The following NREP variants were observed in gnomAD, a reference collection of about 807,000 sequenced individuals.
The protein encoded by NREP is neuronal regeneration related protein.
NREP carries 5 observed loss-of-function variants against 8.6 expected under a neutral mutation model. That is an observed-to-expected ratio of 0.58 (90% confidence interval 0.30 to 1.22). The LOEUF is 1.22. Among genes scored for constraint, NREP ranks in the 50% most tolerant of loss-of-function variants. The pLI, the probability that NREP is intolerant of heterozygous loss-of-function variation, is 0.07. For synonymous variants in NREP, 27 were observed against 28.0 expected (o/e 0.96, Z 0.11); for missense variants, 86 against 82.5 (o/e 1.04, Z -0.17).
At chr5:111,918,045 G>A (rs1300955289) in intron 2 of NREP, among the ~76,000 whole-genome samples, 1 of 152,008 alleles carries the variant, frequency 6.6e-6, no homozygotes, top group Non-Finnish European at 1.5e-5. Flanking sequence ...AAAATCACAG[G>A]CATTCCTAGA....
At position 111,735,096 on chromosome 5, in the gene NREP, T is replaced by C. The variant is rs758526439; in HGVS notation, c.81+334A>G. Reference sequence around the variant, plus strand: ...ATTAGCAGACAATTAATAGTCATCATACTTTTAAGAAATCTTTTAGTTTGA... The same window carrying C: ...ATTAGCAGACAATTAATAGTCATCACACTTTTAAGAAATCTTTTAGTTTGA... On this transcript the variant is annotated intron_variant, in intron 3 of 3. Transcript: ENST00000257435. 8 of 310,554 alleles carry C rather than the reference T, an allele frequency of 2.6e-5. No individual in the cohort carries two copies. In the Admixed American group the frequency reaches 3.7e-4, roughly 14 times the overall value. 19.2% of individuals were successfully genotyped at this position (310,554 alleles called of 1,614,324 possible). A position where few individuals can be genotyped will look rare whatever the true frequency, so the allele number is the denominator to read the frequency against.
upstream of NREP, among the ~76,000 whole-genome samples, chr5:111,759,635 T>C (rs1750914564): frequency 6.6e-6 from 1 of 152,090 alleles, no homozygotes; most frequent in African/African-American, 2.4e-5. Context: ...CATAGCTTAT[T>C]TATCTGTTGT....
chr5:111,792,058 T>A (rs1200236315), intron 2 of NREP, among the ~76,000 whole-genome samples: 3 of 152,236 alleles, frequency 2.0e-5, no homozygotes, highest in Non-Finnish European at 4.4e-5. Context: ...ATCACATAAA[T>A]AATTTGCTTT....
At chr5:111,970,412 C>T (rs1209520451) in intron 2 of NREP, among the ~76,000 whole-genome samples, 3 of 152,174 alleles carry the variant, frequency 2.0e-5, no homozygotes, top group Non-Finnish European at 2.9e-5. Flanking sequence ...GGCTTTGTAT[C>T]GGTGATTCAC....
At chr5:111,789,194 T>C (rs1751683022) in intron 2 of NREP, among the ~76,000 whole-genome samples, 1 of 152,220 alleles carries the variant, frequency 6.6e-6, no homozygotes, top group Admixed American at 6.5e-5. Flanking sequence ...CATGTGTGTG[T>C]GTGTAATATA....
intron 2 of NREP, among the ~76,000 whole-genome samples, chr5:111,812,988 C>G (rs1471221737): frequency 2.0e-5 from 3 of 152,126 alleles, no homozygotes; most frequent in African/African-American, 7.2e-5. Context: ...TTAACCTACA[C>G]CAGCATAACC....
At chr5:111,741,622 TGGA>T (rs1373972534) in intron 2 of NREP, among the ~76,000 whole-genome samples, 1 of 152,090 alleles carries the variant, frequency 6.6e-6, no homozygotes, top group Non-Finnish European at 1.5e-5. Context: ...GAATGCTGCT[TGGA>T]GAAGAAGCAC....
chr5:111,866,618 C>G (rs550223666), intron 2 of NREP, among the ~76,000 whole-genome samples: 1 of 151,998 alleles, frequency 6.6e-6, no homozygotes, highest in South Asian at 2.1e-4. Context: ...CTAGAAATAC[C>G]GTTTGACCCA....
intron 2 of NREP, among the ~76,000 whole-genome samples, chr5:111,903,422 G>T (rs1426584218): frequency 2.0e-5 from 3 of 151,998 alleles, no homozygotes; most frequent in African/African-American, 7.2e-5. Flanking sequence ...TATATGATGA[G>T]ATTAGAAGAA....
chr5:111,951,193 T>C (rs1581245519), intron 2 of NREP, among the ~76,000 whole-genome samples: 1 of 152,128 alleles, frequency 6.6e-6, no homozygotes, highest in African/African-American at 2.4e-5. Context: ...TATAGTGCTA[T>C]GGAGGGCTTC....
At chr5:111,959,817 T>C (rs1028211849) in intron 2 of NREP, among the ~76,000 whole-genome samples, 1 of 152,088 alleles carries the variant, frequency 6.6e-6, no homozygotes, top group African/African-American at 2.4e-5. Context: ...ATATACACCA[T>C]ACAGCATTAA....
At chr5:111,941,062 CT>C (rs902772147) in intron 2 of NREP, among the ~76,000 whole-genome samples, 3 of 151,996 alleles carry the variant, frequency 2.0e-5, no homozygotes, top group African/African-American at 7.2e-5. Flanking sequence ...AAGGTTGTTG[CT>C]GGGAGAAACC....
At chr5:111,823,702 G>C (rs915196558) in intron 2 of NREP, among the ~76,000 whole-genome samples, 2 of 152,114 alleles carry the variant, frequency 1.3e-5, no homozygotes, top group African/African-American at 4.8e-5. Context: ...TTATAGATAA[G>C]TCTTTGGGTT....
At chr5:111,847,059 G>C (rs1753193911) in intron 2 of NREP, among the ~76,000 whole-genome samples, 1 of 151,828 alleles carries the variant, frequency 6.6e-6, no homozygotes, top group Non-Finnish European at 1.5e-5. Flanking sequence ...GACCTAAGCT[G>C]CTTCAGTTCC....
chr5:111,807,611 G>T (rs1408535651), intron 2 of NREP, among the ~76,000 whole-genome samples: 1 of 152,050 alleles, frequency 6.6e-6, no homozygotes, highest in Admixed American at 6.5e-5. Flanking sequence ...ATAGGATTGA[G>T]ATACTAGAGT....
At chr5:111,892,874 T>G (rs1433721404) in intron 2 of NREP, among the ~76,000 whole-genome samples, 2 of 152,154 alleles carry the variant, frequency 1.3e-5, no homozygotes, top group African/African-American at 4.8e-5. Context: ...AGTGGATCTT[T>G]CATTAACAAA....
chr5:111,756,961 A>G (rs1750752177), intron 1 of NREP, among the ~76,000 whole-genome samples, 175 bp downstream of exon 1: 1 of 152,210 alleles, frequency 6.6e-6, no homozygotes, highest in Non-Finnish European at 1.5e-5. Flanking sequence ...GCCTGAATGC[A>G]GCACAACCAA....
intron 2 of NREP, chr5:111,755,456 C>T (rs1581087384): frequency 2.9e-6 from 1 of 346,008 alleles, no homozygotes; most frequent in East Asian, 5.9e-5. Flanking sequence ...CACCTCCATG[C>T]GTGTCACAAC....
rs969742335 is a variant in NREP, at chr5:111,767,664, GTTGT to G, written c.136-32161_136-32158del. 1.6e-3 allele frequency among the ~76,000 whole-genome samples: 243 copies of G among 152,016 alleles called. 1 individual carries two copies. The highest frequency in any genetic ancestry group is 5.5e-3 in the African/African-American group (228 of 41,464). On this transcript the variant is annotated intron_variant, in intron 2 of 3. Transcript: ENST00000395634. ...CCAAAAAAATTATGGCTGCTTTTTGGTTGTTTGTTTTTTTGTTTTGAGACAGAGT... is the reference window on the plus strand; with the variant it reads ...CCAAAAAAATTATGGCTGCTTTTTGGTTGTTTTTTTGTTTTGAGACAGAGT...
Sources: allele counts gnomAD v4.1 joint callset (sites outside exome capture counted in the v4.1 genomes callset), GRCh38; gene constraint gnomAD v4.1.1; transcripts MANE v1.5; gene names NCBI Gene and HGNC (gene_info 2026-07-23, HGNC 2026-07-21).